ERBB4: variants seen among roughly 807,000 people sequenced by gnomAD.
ERBB4 encodes erb-b2 receptor tyrosine kinase 4, also known as receptor tyrosine-protein kinase erbB-4.
In ERBB4, 42 loss-of-function variants were observed where a neutral mutation model predicts 158.0. That is an observed-to-expected ratio of 0.27 (90% CI 0.21 to 0.34). ERBB4 has a LOEUF of 0.34. Ranked by LOEUF, ERBB4 falls within the 10% of genes least tolerant of loss-of-function variation. The pLI, the probability that ERBB4 is intolerant of heterozygous loss-of-function variation, is 1.00. For missense variants in ERBB4, 1,333 were observed against 1,624.1 expected, an observed-to-expected ratio of 0.82 and a Z score of 3.08; for synonymous variants, 583 against 558.7, an observed-to-expected ratio of 1.04 and a Z score of -0.61.
intron 2 of ERBB4, among the ~76,000 whole-genome samples, chr2:211,971,708 A>G (rs189658153): frequency 2.4e-4 from 37 of 152,328 alleles, no homozygotes; most frequent in African/African-American, 8.7e-4. Context: ...ATTATGATCA[A>G]GTAGGCTTCA....
Position 211,913,613 on chromosome 2 carries a change from A to T in ERBB4, c.421+33817T>A, listed in dbSNP as rs997213907. Among the ~76,000 whole-genome samples, 4 of 123,392 alleles carry T rather than the reference A, an allele frequency of 3.2e-5. No individual in the cohort carries two copies. The Admixed American group carries it at 3.6e-4, about 11-fold the overall frequency. 80.9% of individuals were successfully genotyped at this position (123,392 alleles called of 152,430 possible). A position where few individuals can be genotyped will look rare whatever the true frequency, so the allele number is the denominator to read the frequency against. ...AAGACTCTATTTCAAAAAAATATAT[A>T]TATATATGTGTGTGTGTGTGTGTGT... On this transcript the variant is annotated intron_variant, in intron 3 of 27. Transcript: ENST00000342788.
chr2:212,487,259 T>C (rs1446761128), intron 1 of ERBB4, among the ~76,000 whole-genome samples: 4 of 152,102 alleles, frequency 2.6e-5, no homozygotes, highest in Non-Finnish European at 5.9e-5. Context: ...ATATAAAACA[T>C]GTCCTAATTA....
intron 3 of ERBB4, among the ~76,000 whole-genome samples, chr2:211,884,921 ATTCTC>A (rs958501136): frequency 5.3e-5 from 8 of 152,290 alleles, no homozygotes; most frequent in African/African-American, 1.9e-4. Context: ...GTATTACTCT[ATTCTC>A]TTTTTTTCTG....
At chr2:211,437,882 G>GA (rs961541109) in intron 20 of ERBB4, among the ~76,000 whole-genome samples, 6 of 152,132 alleles carry the variant, frequency 3.9e-5, no homozygotes, top group African/African-American at 1.4e-4. Context: ...ATCCCTGGGG[G>GA]AAAAAGAATC....
chr2:211,985,365 T>C (rs1051084519), intron 2 of ERBB4, among the ~76,000 whole-genome samples: 3 of 152,166 alleles, frequency 2.0e-5, no homozygotes, highest in Non-Finnish European at 4.4e-5. Context: ...TACTATCGAA[T>C]CATTAGATTT....
At chr2:212,504,699 G>A (rs1213698305) in intron 1 of ERBB4, among the ~76,000 whole-genome samples, 1 of 151,490 alleles carries the variant, frequency 6.6e-6, no homozygotes, top group African/African-American at 2.4e-5. Flanking sequence ...GCTGAGCCCA[G>A]CGATTTAAAA....
chr2:211,740,702 C>A (rs1264173309), intron 5 of ERBB4, among the ~76,000 whole-genome samples: 1 of 136,976 alleles, frequency 7.3e-6, no homozygotes, highest in African/African-American at 2.7e-5. Context: ...GCTCCGCTTA[C>A]AGGGTTTATG....
intron 18 of ERBB4, among the ~76,000 whole-genome samples, chr2:211,620,410 T>C (rs2069554847): frequency 6.6e-6 from 1 of 152,238 alleles, no homozygotes; most frequent in South Asian, 2.1e-4. Flanking sequence ...AGTTTTTCAC[T>C]TTGAACTTTT....
intron 2 of ERBB4, among the ~76,000 whole-genome samples, chr2:212,082,930 G>A (rs892432153): frequency 1.3e-5 from 2 of 151,908 alleles, no homozygotes; most frequent in African/African-American, 4.8e-5. Flanking sequence ...GTATATACTT[G>A]TCCCATGAAG....
rs1378299732 is a variant in ERBB4 at position 212,039,942 on chromosome 2, CAA to C, written c.234+84808_234+84809del. 2.6e-5 allele frequency among the ~76,000 whole-genome samples: 4 copies of C among 152,112 alleles called. No individual in the cohort carries two copies. In the South Asian group the frequency reaches 8.3e-4, roughly 32 times the overall value. ...TGCATGCTAAATAACAAAATATATC[CAA>C]AGTCTTCCACCTCTAATATATTTAT... On this transcript the variant is annotated intron_variant, in intron 2 of 27. Transcript: ENST00000342788.
chr2:211,977,531 T>TTAAAAAAAAAAAA (rs1445827351), intron 2 of ERBB4, among the ~76,000 whole-genome samples: 3 of 67,590 alleles, frequency 4.4e-5, no homozygotes, highest in African/African-American at 9.7e-5. Flanking sequence ...ATATTGACTT[T>TTAAAAAAAAAAAA]AAAAAAAAAA....
chr2:212,265,011 C>T (rs1235268742), intron 1 of ERBB4, among the ~76,000 whole-genome samples: 1 of 152,028 alleles, frequency 6.6e-6, no homozygotes, highest in Admixed American at 6.6e-5. Context: ...GGAAAATCCC[C>T]TATGTGGAGA....
At chr2:211,961,924 T>C (rs1416584726) in intron 2 of ERBB4, among the ~76,000 whole-genome samples, 1 of 152,142 alleles carries the variant, frequency 6.6e-6, no homozygotes, top group African/African-American at 2.4e-5. Context: ...CAGGGATGCA[T>C]ACTTGGGTGA....
At chr2:212,173,575 T>A (rs546672495) in intron 1 of ERBB4, among the ~76,000 whole-genome samples, 2 of 152,178 alleles carry the variant, frequency 1.3e-5, no homozygotes, top group African/African-American at 4.8e-5. Flanking sequence ...CGATATCTAC[T>A]GTGTACCAGG....
At chr2:211,863,277 G>A (rs1426592785) in intron 3 of ERBB4, among the ~76,000 whole-genome samples, 2 of 152,100 alleles carry the variant, frequency 1.3e-5, no homozygotes, top group African/African-American at 2.4e-5. Flanking sequence ...TCAGCTCTCT[G>A]TAAAATGGAC....
chr2:211,985,991 G>A (rs563279360), intron 2 of ERBB4, among the ~76,000 whole-genome samples: 21 of 152,294 alleles, frequency 1.4e-4, no homozygotes, highest in African/African-American at 4.8e-4. Flanking sequence ...AGATCAGGTA[G>A]TACTGAATTA....
At chr2:212,028,700 G>T (rs1427338132) in intron 2 of ERBB4, among the ~76,000 whole-genome samples, 1 of 152,002 alleles carries the variant, frequency 6.6e-6, no homozygotes. Flanking sequence ...TGCCCTTTCT[G>T]CCCTTTTCCA....
intron 2 of ERBB4, among the ~76,000 whole-genome samples, chr2:211,950,623 T>C (rs1406335738): frequency 1.3e-5 from 2 of 151,598 alleles, no homozygotes; most frequent in East Asian, 1.9e-4. Flanking sequence ...AATAGAAGAG[T>C]AGAATCCTAA....
intron 1 of ERBB4, among the ~76,000 whole-genome samples, chr2:212,182,462 T>C (rs1054984321): frequency 2.6e-5 from 4 of 151,884 alleles, no homozygotes; most frequent in African/African-American, 9.7e-5. Flanking sequence ...GAGCTTGTCC[T>C]AGTATTTTTA....
Sources: gnomAD v4.1 joint callset for allele counts (sites outside exome capture counted in the v4.1 genomes callset) on GRCh38, gnomAD v4.1.1 for gene constraint, MANE v1.5 for transcripts, NCBI Gene and HGNC (gene_info 2026-07-23, HGNC 2026-07-21) for gene names.